Variants in CA5A observed in about 807,000 individuals in gnomAD.
CA5A encodes the protein carbonic anhydrase 5A, mitochondrial.
CA5A carries 28 observed loss-of-function variants against 37.1 expected under a neutral mutation model. The observed-to-expected ratio is 0.75, with a 90% confidence interval of 0.56 to 1.03. CA5A has a LOEUF of 1.03. Ranked by LOEUF, CA5A falls within the 50% of genes least tolerant of loss-of-function variation. The probability of loss-of-function intolerance (pLI) is 0.00; values close to 1 mark genes in which losing one functional copy is unlikely to be tolerated. For synonymous variants in CA5A, 171 were observed against 158.4 expected, an observed-to-expected ratio of 1.08 and a Z score of -0.60; for missense variants, 444 against 399.9, an observed-to-expected ratio of 1.11 and a Z score of -0.94.
At chr16:87,899,953 G>C (rs1249945382) in intron 5 of CA5A, among the ~76,000 whole-genome samples, 2 of 75,512 alleles carry the variant, frequency 2.6e-5, no homozygotes, top group African/African-American at 5.1e-5. Context: ...AAAAAAAAAA[G>C]AGTCTAACTC....
In CA5A at chr16:87,911,353, ACGTGCTGGC is replaced by A. The variant is rs2056049954; in HGVS notation, c.341-6458_341-6450del. ...CGTTTGGGGCCGGCTCCAGGCTGTG[ACGTGCTGGC>A]CCCAGAGAATATTGTCTCTGCTATT... On this transcript the variant is annotated intron_variant, in intron 2 of 6. Coordinates refer to ENST00000649794, the MANE Select transcript of CA5A (RefSeq NM_001739.2). This position sits in a 1 kb window ranked among gnomAD's most constrained non-coding sequence, Gnocchi z 4.6. 6.6e-6 allele frequency among the ~76,000 whole-genome samples: 1 copy of A among 152,174 alleles called. No homozygotes were observed. The highest frequency in any genetic ancestry group is 1.5e-5 in the Non-Finnish European group (1 of 68,030).
chr16:87,896,206 C>G (rs1006420574), intron 5 of CA5A, among the ~76,000 whole-genome samples: 8 of 152,244 alleles, frequency 5.3e-5, no homozygotes, highest in African/African-American at 1.9e-4. Flanking sequence ...AGGCCTGGCC[C>G]GTTCCGAGGT....
At chr16:87,935,333 G>A (rs114731612) in intron 1 of CA5A, among the ~76,000 whole-genome samples, 2,132 of 152,322 alleles carry the variant, frequency 0.014, 58 homozygotes, top group African/African-American at 0.049. Context: ...GGGCTGGCAC[G>A]GGGCAGTTTC....
At chr16:87,931,187 C>G (rs892852321) in intron 1 of CA5A, among the ~76,000 whole-genome samples, 3 of 151,030 alleles carry the variant, frequency 2.0e-5, no homozygotes, top group African/African-American at 7.3e-5. Flanking sequence ...TCTCAGTTCA[C>G]TGCAACCTCC....
intron 2 of CA5A, among the ~76,000 whole-genome samples, chr16:87,915,698 A>G (rs866437998): frequency 0.011 from 1,660 of 147,802 alleles, 18 homozygotes; most frequent in African/African-American, 0.029. Context: ...CCAAAAAAAA[A>G]AAAAAAAAAA....
At chr16:87,902,564 T>A in intron 3 of CA5A, 44 bp from the exon 4 acceptor site, 1 of 1,026,022 alleles carries the variant, frequency 9.7e-7, no homozygotes, top group Non-Finnish European at 1.5e-6. Flanking sequence ...CAGCAAGAAA[T>A]AAGACAGTCA....
intron 2 of CA5A, among the ~76,000 whole-genome samples, chr16:87,913,366 G>A (rs1043377106): frequency 6.8e-6 from 1 of 147,526 alleles, no homozygotes; most frequent in Admixed American, 6.7e-5. Context: ...GCAATGGTGT[G>A]ATCATGCCTC....
intron 1 of CA5A, among the ~76,000 whole-genome samples, chr16:87,929,765 G>T (rs376088425): frequency 2.6e-5 from 4 of 151,074 alleles, no homozygotes; most frequent in South Asian, 2.1e-4. Context: ...CCAGCTACTC[G>T]GGAGGCTGAG....
At chr16:87,917,829 A>G (rs1429176888) in intron 2 of CA5A, among the ~76,000 whole-genome samples, 2 of 145,916 alleles carry the variant, frequency 1.4e-5, no homozygotes, top group East Asian at 2.0e-4. Flanking sequence ...ACGAACACAC[A>G]TGCACACACA....
intron 6 of CA5A, among the ~76,000 whole-genome samples, chr16:87,891,250 C>G (rs2055708956): frequency 6.6e-6 from 1 of 151,416 alleles, no homozygotes; most frequent in Non-Finnish European, 1.5e-5. Flanking sequence ...GGCAGATCAC[C>G]TGAGGTCAAG....
chr16:87,902,564 T>C (rs1428450048), intron 3 of CA5A, 44 bp from the exon 4 acceptor site: 1 of 1,025,904 alleles, frequency 9.7e-7, no homozygotes, highest in Non-Finnish European at 1.5e-6. Flanking sequence ...CAGCAAGAAA[T>C]AAGACAGTCA....
Position 87,888,165 on chromosome 16 carries a change from C to T in CA5A, c.882G>A (p.Ala294=), listed in dbSNP as rs150891997. Residue 294 remains alanine, a synonymous_variant, in exon 7 of 7, where the codon GCG becomes GCA. Coordinates refer to ENST00000649794, the MANE Select transcript of CA5A (RefSeq NM_001739.2). Reference sequence around the variant, plus strand: ...TGCCCTCATTAGTGGCCTGGAAGGACGCCCAGACCTTCCGGTTCATCAAGG... The same window carrying T: ...TGCCCTCATTAGTGGCCTGGAAGGATGCCCAGACCTTCCGGTTCATCAAGG... ...LQPLMNRKVW[A]SFQATNEGTR... The T allele has an allele frequency of 4.4e-4, 717 of 1,613,814 alleles. 5 individuals are homozygous for T. The African/African-American group carries it at 7.1e-3, about 16-fold the overall frequency.
chr16:87,893,081 C>A, intron 5 of CA5A: 1 of 847,270 alleles, frequency 1.2e-6, no homozygotes, highest in Non-Finnish European at 1.8e-6. Context: ...AGCCCCGAGG[C>A]TGCCTGAAGG....
intron 2 of CA5A, among the ~76,000 whole-genome samples, chr16:87,912,981 G>A (rs2056074315): frequency 1.3e-5 from 2 of 150,068 alleles, no homozygotes; most frequent in Non-Finnish European, 3.0e-5. Flanking sequence ...CCAACAAACC[G>A]CAACATGGTT....
chr16:87,929,871 C>CAAAAAAAAAAAAAAAAAAAA (rs58941982), intron 1 of CA5A, among the ~76,000 whole-genome samples: 1 of 62,368 alleles, frequency 1.6e-5, no homozygotes, highest in Non-Finnish European at 2.7e-5. Flanking sequence ...GACTCCGTCT[C>CAAAAAAAAAAAAAAAAAAAA]AAAAAAAAAA....
At position 87,905,764 on chromosome 16, in the gene CA5A, A is replaced by G. The variant is rs371828592; in HGVS notation, c.341-860T>C. ...CCACAGGGCCAGCTTTTATTGGAAC[A>G]CTCCTTCCTTCCTAAGTCACCCTAA... On this transcript the variant is annotated intron_variant, in intron 2 of 6. Coordinates refer to ENST00000649794, the MANE Select transcript of CA5A (RefSeq NM_001739.2). 2.4e-4 allele frequency among the ~76,000 whole-genome samples: 36 copies of G among 151,810 alleles called. 2 individuals carry two copies. In the South Asian group the frequency reaches 6.9e-3, roughly 29 times the overall value.
chr16:87,893,125 C>CCTTTCTTTCTTTCTTTCTTT lies in CA5A; in HGVS notation c.619-1191_619-1172dup, dbSNP rs555248928. 5 of 522,246 alleles carry CCTTTCTTTCTTTCTTTCTTT rather than the reference C, an allele frequency of 9.6e-6. No homozygotes were observed. In the African/African-American group the frequency reaches 1.0e-4, roughly 11 times the overall value. The allele number at this position is 522,246 out of a possible 1,614,324, so 32.4% of individuals were successfully genotyped here. A position where few individuals can be genotyped will look rare whatever the true frequency, so the allele number is the denominator to read the frequency against. ...GCCTAGAGACATTTCTTTCTTTCTT[C>CCTTTCTTTCTTTCTTTCTTT]CTTTCTTTCTTTCTTTCTTTCTTTT... On this transcript the variant is annotated intron_variant, in intron 5 of 6. Transcript: ENST00000649794.
In CA5A at chr16:87,914,928, G is replaced by C. The variant is rs145533662; in HGVS notation, c.341-10024C>G. 1.9e-3 allele frequency among the ~76,000 whole-genome samples: 291 copies of C among 152,342 alleles called. 1 individual carries two copies. The highest frequency in any genetic ancestry group is 6.6e-3 in the African/African-American group (275 of 41,574). On this transcript the variant is annotated intron_variant, in intron 2 of 6. Transcript: ENST00000649794. ...GATGAAACCTCGGCCTCCCGTCTTC[G>C]GAACGAGAGTTAATCCACAGAGGAG...
chr16:87,908,909 G>A (rs1342290200), intron 2 of CA5A, among the ~76,000 whole-genome samples: 2 of 151,928 alleles, frequency 1.3e-5, no homozygotes, highest in African/African-American at 2.4e-5. Flanking sequence ...TCCACCTCCC[G>A]GGTTCAAGAG....
Sources: allele counts gnomAD v4.1 joint callset (sites outside exome capture counted in the v4.1 genomes callset), GRCh38; gene constraint gnomAD v4.1.1; non-coding constraint Gnocchi (gnomAD v3.1); transcripts MANE v1.5; gene names NCBI Gene and HGNC (gene_info 2026-07-23, HGNC 2026-07-21).